The following STK32B variants were observed in gnomAD, a reference collection of about 807,000 sequenced individuals.
The protein encoded by STK32B is serine/threonine kinase 32B.
A neutral mutation model predicts 52.6 loss-of-function variants in STK32B; 43 were observed. That is an observed-to-expected ratio of 0.82 (90% CI 0.64 to 1.05). The LOEUF (loss-of-function observed/expected upper bound fraction) is 1.05. STK32B is among the 50% of genes least tolerant of loss of function. The pLI is 0.00. For synonymous variants in STK32B, 238 were observed against 204.3 expected (o/e 1.17, Z -1.41); for missense variants, 621 against 534.6 (o/e 1.16, Z -1.59).
intron 7 of STK32B, among the ~76,000 whole-genome samples, chr4:5,451,381 A>G (rs529859306): frequency 6.6e-6 from 1 of 152,304 alleles, no homozygotes; most frequent in African/African-American, 2.4e-5. Context: ...GTGAGGGGAC[A>G]GTCTATAAAG....
At chr4:5,072,364 C>G (rs567376727) in intron 1 of STK32B, among the ~76,000 whole-genome samples, 2 of 152,278 alleles carry the variant, frequency 1.3e-5, no homozygotes, top group African/African-American at 4.8e-5. Context: ...CCTCCTCAGT[C>G]TTTCCTACTT....
intron 1 of STK32B, among the ~76,000 whole-genome samples, chr4:5,100,515 CCTT>C (rs79255903): frequency 0.41 from 55,323 of 133,912 alleles, 13,135 homozygotes; most frequent in Non-Finnish European, 0.53. Context: ...TTTCTTCTCT[CCTT>C]CTTCTCTCTT....
At position 5,437,894 on chromosome 4, in the gene STK32B, G is replaced by A. The variant is rs553186812; in HGVS notation, c.563-8779G>A. 7.1e-6 allele frequency: 7 copies of A among 984,170 alleles called. No homozygotes were observed. The African/African-American group carries it at 1.0e-4, about 15-fold the overall frequency. The allele number at this position is 984,170 out of a possible 1,614,324, so 61.0% of individuals were successfully genotyped here. On this transcript the variant is annotated intron_variant, in intron 6 of 11. Coordinates refer to ENST00000282908, the MANE Select transcript of STK32B (RefSeq NM_018401.3). The stretch of plus-strand genomic sequence containing the variant: ...AATGACATCATTTTGGTGGCATAGG[G>A]ATTATGATATCAATATTGTTGTGTT...
In STK32B at chr4:5,499,050, C is replaced by A; in HGVS notation, c.1212C>A (p.Leu404=). The part of the protein sequence containing the change: ...KLQDGCNNNL[L]THTCTRGCSS The stretch of plus-strand genomic sequence containing the variant: ...AGGACGGGTGCAACAACAACCTCCT[C>A]ACCCACACCTGCACCCGTGGCTGCA... The change falls in exon 12 of 12, where the codon CTC becomes CTA. Residue 404 remains leucine, a synonymous_variant. Transcript: ENST00000282908. The A allele has an allele frequency of 6.2e-7, 1 of 1,613,664 alleles. No homozygotes were observed.
intron 1 of STK32B, among the ~76,000 whole-genome samples, chr4:5,062,364 A>C (rs1390708762): frequency 6.6e-6 from 1 of 152,210 alleles, no homozygotes; most frequent in Admixed American, 6.5e-5. Flanking sequence ...TTTGGGACAC[A>C]CACAAAATGA....
intron 3 of STK32B, among the ~76,000 whole-genome samples, chr4:5,203,070 T>C (rs184304935): frequency 1.7e-4 from 26 of 152,338 alleles, no homozygotes; most frequent in Non-Finnish European, 2.8e-4. Context: ...CTTTGTGATC[T>C]TGGGCAAGTT....
chr4:5,108,121 C>T lies in STK32B; in HGVS notation c.53-31784C>T, dbSNP rs76780404. ...TATTTAGCAATTTTCTGGTTTGGAA[C>T]GTTATAAATGGCAACTTGTGCTGTG... On this transcript the variant is annotated intron_variant, in intron 1 of 11. Transcript: ENST00000282908. Among the ~76,000 whole-genome samples, 1,220 of 152,282 alleles carry T rather than the reference C, an allele frequency of 8.0e-3. 15 individuals are homozygous for T. Among genetic ancestry groups the T allele is most frequent in the African/African-American group, 0.028 (1,150 of 41,544 alleles).
At chr4:5,284,046 G>A (rs28456678) in intron 3 of STK32B, among the ~76,000 whole-genome samples, 6,926 of 152,104 alleles carry the variant, frequency 0.046, 270 homozygotes, top group African/African-American at 0.099. Flanking sequence ...TTGTCTAGGC[G>A]TACAAATTAC....
At chr4:5,198,778 A>G (rs1721896398) in intron 3 of STK32B, among the ~76,000 whole-genome samples, 1 of 152,180 alleles carries the variant, frequency 6.6e-6, no homozygotes, top group Admixed American at 6.5e-5. Flanking sequence ...TTCATGCTCT[A>G]CTGCATCCAA....
At chr4:5,232,798 C>A (rs1724363377) in intron 3 of STK32B, among the ~76,000 whole-genome samples, 1 of 152,192 alleles carries the variant, frequency 6.6e-6, no homozygotes, top group African/African-American at 2.4e-5. Flanking sequence ...TGCTTCCTTC[C>A]TGCCCTGTGC....
intron 1 of STK32B, among the ~76,000 whole-genome samples, chr4:5,097,094 T>TC (rs1391362678): frequency 2.6e-5 from 4 of 152,240 alleles, no homozygotes; most frequent in Non-Finnish European, 1.5e-5. Context: ...CTTCTTCTTG[T>TC]CCCAACTATT....
intron 3 of STK32B, among the ~76,000 whole-genome samples, chr4:5,268,538 G>GGTGTGTGTGT (rs10593272): frequency 3.1e-4 from 44 of 140,194 alleles, no homozygotes; most frequent in South Asian, 7.2e-4. Context: ...TGCTTGGTGT[G>GGTGTGTGTGT]GTGTGTGTGT....
In STK32B at chr4:5,496,237, C is replaced by G. The variant is rs865916610; in HGVS notation, c.1107-2708C>G. Among the ~76,000 whole-genome samples, 131 of 152,364 alleles carry G rather than the reference C, an allele frequency of 8.6e-4. 1 individual carries two copies. The Middle Eastern group carries it at 0.014, about 16-fold the overall frequency. ...GAGCTGTGGTGGGCTCCATCCAGTTCCAGCTTCCAGGCCACTTTGTTTACC... is the reference window on the plus strand; with the variant it reads ...GAGCTGTGGTGGGCTCCATCCAGTTGCAGCTTCCAGGCCACTTTGTTTACC... On this transcript the variant is annotated intron_variant, in intron 11 of 11. Coordinates refer to ENST00000282908, the MANE Select transcript of STK32B (RefSeq NM_018401.3).
intron 11 of STK32B, among the ~76,000 whole-genome samples, chr4:5,476,639 AC>A: frequency 6.6e-6 from 1 of 152,100 alleles, no homozygotes; most frequent in South Asian, 2.1e-4. Flanking sequence ...TATGTTGGAG[AC>A]CTGTCGCCTA....
chr4:5,264,013 G>A (rs1263661618), intron 3 of STK32B, among the ~76,000 whole-genome samples: 7 of 152,164 alleles, frequency 4.6e-5, no homozygotes, highest in Admixed American at 3.9e-4. Flanking sequence ...ATTTTATTGT[G>A]TAGTATTCCA....
At chr4:5,290,425 T>G (rs1395766468) in intron 3 of STK32B, among the ~76,000 whole-genome samples, 2 of 152,154 alleles carry the variant, frequency 1.3e-5, no homozygotes, top group Non-Finnish European at 2.9e-5. Flanking sequence ...ACTTTTTTGT[T>G]AAATACTAAG....
At chr4:5,237,448 G>C (rs1392345254) in intron 3 of STK32B, among the ~76,000 whole-genome samples, 5 of 152,152 alleles carry the variant, frequency 3.3e-5, no homozygotes, top group Admixed American at 2.0e-4. Flanking sequence ...TTTCATACTC[G>C]GGAGATTAAT....
intron 3 of STK32B, among the ~76,000 whole-genome samples, chr4:5,274,578 C>G (rs1727680746): frequency 6.6e-6 from 1 of 152,142 alleles, no homozygotes; most frequent in Non-Finnish European, 1.5e-5. Context: ...TAGGCAAAAA[C>G]AGGAGGTAAA....
chr4:5,490,806 G>T (rs963186670), intron 11 of STK32B, among the ~76,000 whole-genome samples: 2 of 151,998 alleles, frequency 1.3e-5, no homozygotes, highest in Non-Finnish European at 2.9e-5. Flanking sequence ...TCCCAACTAC[G>T]AGTGAGAATA....
Sources: gnomAD v4.1 joint callset for allele counts (sites outside exome capture counted in the v4.1 genomes callset) on GRCh38, gnomAD v4.1.1 for gene constraint, MANE v1.5 for transcripts, NCBI Gene and HGNC (gene_info 2026-07-23, HGNC 2026-07-21) for gene names.